Variants in LIPC observed in about 807,000 individuals in gnomAD.
The protein encoded by LIPC is hepatic triacylglycerol lipase.
In LIPC, 44 loss-of-function variants were observed where a neutral mutation model predicts 50.7. The observed-to-expected ratio is 0.87, with a 90% CI of 0.68 to 1.11. The LOEUF is 1.11. Ranked by LOEUF, LIPC falls within the 50% of genes most tolerant of loss-of-function variation. The probability of loss-of-function intolerance (pLI) is 0.00; values close to 1 mark genes in which losing one functional copy is unlikely to be tolerated. For missense variants in LIPC, 697 were observed against 648.2 expected (o/e 1.08, Z -0.82); for synonymous variants, 271 against 256.4 (o/e 1.06, Z -0.54).
chr15:58,510,776 G>T (rs1892304804), intron 1 of LIPC, among the ~76,000 whole-genome samples: 1 of 152,212 alleles, frequency 6.6e-6, no homozygotes, highest in African/African-American at 2.4e-5. Context: ...TGCTATTTGT[G>T]TATACTGGAT....
chr15:58,533,261 T>C lies in LIPC; in HGVS notation c.89-5072T>C, dbSNP rs1893010130. On this transcript the variant is annotated intron_variant, in intron 1 of 8. Coordinates refer to ENST00000299022, the MANE Select transcript of LIPC (RefSeq NM_000236.3). Reference sequence around the variant, plus strand: ...TTTCTTCACTCATAGCTAAAGCATATCCTTTCCTCACAGCTTATCATAGAG... The same window carrying C: ...TTTCTTCACTCATAGCTAAAGCATACCCTTTCCTCACAGCTTATCATAGAG... 4.4e-6 allele frequency: 3 copies of C among 688,020 alleles called. No homozygotes were observed. The African/African-American group carries it at 5.9e-5, about 13-fold the overall frequency. The allele number at this position is 688,020 out of a possible 1,614,324, so 42.6% of individuals were successfully genotyped here. A position where few individuals can be genotyped will look rare whatever the true frequency, so the allele number is the denominator to read the frequency against.
chr15:58,470,762 G>T (rs1894765132), intron 1 of LIPC, among the ~76,000 whole-genome samples: 1 of 151,982 alleles, frequency 6.6e-6, no homozygotes, highest in Non-Finnish European at 1.5e-5. Context: ...ACCACACACA[G>T]CTAATTTTTA....
At chr15:58,553,409 A>G (rs1893828700) in intron 6 of LIPC, among the ~76,000 whole-genome samples, 1 of 152,208 alleles carries the variant, frequency 6.6e-6, no homozygotes, top group Non-Finnish European at 1.5e-5. Context: ...CAGCTCGGGC[A>G]ACAAAGCAAG....
intron 1 of LIPC, among the ~76,000 whole-genome samples, chr15:58,532,423 G>C (rs1169480650): frequency 6.6e-6 from 1 of 152,202 alleles, no homozygotes; most frequent in Non-Finnish European, 1.5e-5. Flanking sequence ...ACATGGCCTG[G>C]AGAGTTTTCA....
At chr15:58,469,102 TTGTGTGTGTGTGTGTGTGTGTGTGTG>T (rs56309142) in intron 1 of LIPC, among the ~76,000 whole-genome samples, 2 of 140,624 alleles carry the variant, frequency 1.4e-5, no homozygotes, top group Non-Finnish European at 3.1e-5. Flanking sequence ...AGGGAACATT[TTGTGTGTGTGTGTGTGTGTGTGTGTG>T]TGTGTGTGTG....
intron 1 of LIPC, among the ~76,000 whole-genome samples, chr15:58,476,794 C>T (rs1276432938): frequency 1.3e-5 from 2 of 152,252 alleles, no homozygotes; most frequent in African/African-American, 4.8e-5. Context: ...CCTCACAAGG[C>T]TGTGGTCAGA....
intron 1 of LIPC, among the ~76,000 whole-genome samples, chr15:58,531,045 G>A (rs911283910): frequency 2.0e-5 from 3 of 152,188 alleles, no homozygotes; most frequent in Non-Finnish European, 2.9e-5. Context: ...CCTATAGTAA[G>A]TGTACATTTG....
At chr15:58,446,336 G>A (rs1434213127) in intron 1 of LIPC, among the ~76,000 whole-genome samples, 1 of 152,118 alleles carries the variant, frequency 6.6e-6, no homozygotes, top group Non-Finnish European at 1.5e-5. Context: ...TGAGTAGCTG[G>A]AATGAATGCC....
At chr15:58,552,574 C>CCTGGG (rs1451286421) in intron 6 of LIPC, among the ~76,000 whole-genome samples, 3 of 152,216 alleles carry the variant, frequency 2.0e-5, no homozygotes, top group Non-Finnish European at 2.9e-5. Context: ...CTCCAGGCTC[C>CCTGGG]CTGGGTCGGG....
At position 58,540,379 on chromosome 15, in the gene LIPC, G is replaced by A. The variant is rs189004204; in HGVS notation, c.274-1406G>A. ...CTCTAAGCGCTTTAGATCTATTAAC[G>A]TATTTCTCCTTCATAACAATCCTGG... is the stretch of plus-strand genomic sequence containing the variant. On this transcript the variant is annotated intron_variant, in intron 2 of 8. Coordinates refer to ENST00000299022, the MANE Select transcript of LIPC (RefSeq NM_000236.3). Among the ~76,000 whole-genome samples the A allele has an allele frequency of 1.0e-4, 15 of 150,396 alleles. No homozygotes were observed. The East Asian group carries it at 2.8e-3, about 28-fold the overall frequency.
intron 1 of LIPC, among the ~76,000 whole-genome samples, chr15:58,520,368 TGC>T (rs1374856012): frequency 2.2e-4 from 33 of 152,284 alleles, no homozygotes; most frequent in African/African-American, 7.7e-4. Context: ...GGCCTTGGGA[TGC>T]TAGAGCACAA....
intron 1 of LIPC, among the ~76,000 whole-genome samples, chr15:58,496,475 G>A (rs1891768139): frequency 6.6e-6 from 1 of 152,050 alleles, no homozygotes; most frequent in Non-Finnish European, 1.5e-5. Context: ...CATTGAACAA[G>A]GGAGGGAAGG....
intron 8 of LIPC, chr15:58,566,173 G>GAAT: frequency 1.0e-6 from 1 of 985,296 alleles, no homozygotes; most frequent in Non-Finnish European, 1.2e-6. Flanking sequence ...ACCACACTTT[G>GAAT]AATAGTGAGA....
At chr15:58,490,151 G>C (rs1284251152) in intron 1 of LIPC, among the ~76,000 whole-genome samples, 1 of 152,172 alleles carries the variant, frequency 6.6e-6, no homozygotes, top group African/African-American at 2.4e-5. Flanking sequence ...GAGATGTTTA[G>C]GAAACTTGCT....
At chr15:58,456,889 G>C (rs532439250) in intron 1 of LIPC, among the ~76,000 whole-genome samples, 6 of 152,320 alleles carry the variant, frequency 3.9e-5, no homozygotes, top group Admixed American at 3.3e-4. Flanking sequence ...AGTTATTCTA[G>C]AGAACATCTC....
intron 1 of LIPC, among the ~76,000 whole-genome samples, chr15:58,456,962 G>C (rs1894144358): frequency 6.6e-6 from 1 of 152,218 alleles, no homozygotes; most frequent in African/African-American, 2.4e-5. Flanking sequence ...GGCATACCCA[G>C]GGAAACAGAG....
intron 1 of LIPC, among the ~76,000 whole-genome samples, chr15:58,475,674 G>A (rs1024857568): frequency 1.3e-5 from 2 of 152,162 alleles, no homozygotes. Context: ...CCACTAAACC[G>A]TGAATAAGTG....
At chr15:58,489,592 T>G (rs1190377073) in intron 1 of LIPC, among the ~76,000 whole-genome samples, 3 of 152,122 alleles carry the variant, frequency 2.0e-5, no homozygotes, top group Admixed American at 6.6e-5. Flanking sequence ...CCGGATGTAG[T>G]CAGTCTAAAA....
At chr15:58,518,906 C>T (rs1173572723) in intron 1 of LIPC, among the ~76,000 whole-genome samples, 3 of 150,676 alleles carry the variant, frequency 2.0e-5, no homozygotes, top group African/African-American at 7.3e-5. Context: ...ACACTCACAA[C>T]ACTCACAGAG....
Sources: allele counts gnomAD v4.1 joint callset (sites outside exome capture counted in the v4.1 genomes callset), GRCh38; gene constraint gnomAD v4.1.1; transcripts MANE v1.5; gene names NCBI Gene and HGNC (gene_info 2026-07-23, HGNC 2026-07-21).